The following KDM3A variants were observed in gnomAD, a reference collection of about 807,000 sequenced individuals.
KDM3A encodes lysine-specific demethylase 3A.
In KDM3A, 60 loss-of-function variants were observed where a neutral mutation model predicts 158.0. The observed-to-expected ratio is 0.38, with a 90% CI of 0.31 to 0.47. KDM3A has a LOEUF of 0.47. KDM3A is among the 20% of genes least tolerant of loss of function. KDM3A has a pLI of 0.99. For synonymous variants in KDM3A, 608 were observed against 549.3 expected (o/e 1.11, Z -1.49); for missense variants, 1,319 against 1,574.3 (o/e 0.84, Z 2.74).
At chr2:86,456,604 A>C (rs760146483) in intron 6 of KDM3A, 38 bp downstream of exon 6, 33 of 1,572,162 alleles carry the variant, frequency 2.1e-5, no homozygotes, top group Non-Finnish European at 2.8e-5. Flanking sequence ...ATAACTCGAC[A>C]AAGCATGATA....
rs1674476823 is a variant in KDM3A at position 86,491,946 on chromosome 2, G to A, written c.3886-93G>A. 5.1e-6 allele frequency: 4 copies of A among 787,954 alleles called. No homozygotes were observed. The African/African-American group carries it at 7.0e-5, about 14-fold the overall frequency. The allele number at this position is 787,954 out of a possible 1,614,324, so 48.8% of individuals were successfully genotyped here. ...GAATATTGAATTTTAAATTCTGAGA[G>A]AAGGTAATAAAATTAGTAGGAGGAA... On this transcript the variant is annotated intron_variant, in intron 25 of 25. Coordinates refer to ENST00000312912, the MANE Select transcript of KDM3A (RefSeq NM_018433.6).
chr2:86,451,363 C>T (rs1558606162), intron 4 of KDM3A, 150 bp downstream of exon 4: 2 of 509,866 alleles, frequency 3.9e-6, no homozygotes, highest in African/African-American at 2.0e-5. Flanking sequence ...CTTTGATTCC[C>T]TCCAAACTCT....
chr2:86,440,442 G>C (rs900518757), upstream of KDM3A, among the ~76,000 whole-genome samples: 14 of 151,960 alleles, frequency 9.2e-5, no homozygotes, highest in Middle Eastern at 3.4e-3. Context: ...AATACTTCAG[G>C]TCCAGAGCAC....
intron 6 of KDM3A, 35 bp downstream of exon 6, chr2:86,456,601 GACAAAGCATGATAACTAT>G: frequency 6.4e-7 from 1 of 1,574,584 alleles, no homozygotes; most frequent in Non-Finnish European, 8.7e-7. Context: ...AAGATAACTC[GACAAAGCATGATAACTAT>G]ACAAAGCATT....
intron 21 of KDM3A, chr2:86,489,003 C>G (rs1674323891): frequency 3.8e-6 from 1 of 266,240 alleles, no homozygotes; most frequent in Non-Finnish European, 7.2e-6. Context: ...TTGTCTCTTG[C>G]CCCAGAACTC....
At position 86,483,981 on chromosome 2, in the gene KDM3A, A is replaced by T; in HGVS notation, c.2923-6A>T. On this transcript the variant is annotated splice_polypyrimidine_tract_variant and splice_region_variant and intron_variant, in intron 18 of 25. Transcript: ENST00000312912. The stretch of plus-strand genomic sequence containing the variant: ...TCAGACTAAAGTTTTCCTTCTCTTC[A>T]TTTAGCCAGTGATGGTGTCTGGAGT... The T allele has an allele frequency of 6.2e-7, 1 of 1,606,726 alleles. No homozygotes were observed. The highest frequency in any genetic ancestry group is 8.5e-7 in the Non-Finnish European group (1 of 1,176,860).
At chr2:86,456,416 A>ATTTTTTTT (rs11431031) in intron 5 of KDM3A, 26 bp from the exon 6 acceptor site, 3 of 1,057,864 alleles carry the variant, frequency 2.8e-6, no homozygotes, top group African/African-American at 2.0e-5. Context: ...TTGCTCTAAG[A>ATTTTTTTT]TTTTTTTTTT....
At chr2:86,442,925 G>A (rs1380618720) in intron 2 of KDM3A, among the ~76,000 whole-genome samples, 3 of 152,060 alleles carry the variant, frequency 2.0e-5, no homozygotes, top group Non-Finnish European at 2.9e-5. Context: ...GGAGAGAATT[G>A]GGAACAAGTG....
intron 5 of KDM3A, 110 bp downstream of exon 5, chr2:86,455,297 T>TC: frequency 8.7e-6 from 5 of 571,634 alleles, no homozygotes; most frequent in Admixed American, 3.8e-5. Flanking sequence ...CTTTTTTCTT[T>TC]TTTTTTTTTT....
rs1028045332 is a variant in KDM3A at position 86,471,279 on chromosome 2, GTGTATATA to G, written c.1724+883_1724+890del. Among the ~76,000 whole-genome samples, 71 of 133,696 alleles carry G rather than the reference GTGTATATA, an allele frequency of 5.3e-4. No individual in the cohort carries two copies. In the South Asian group the frequency reaches 0.011, roughly 21 times the overall value. The allele number at this position is 133,696 out of a possible 152,430, so 87.7% of individuals were successfully genotyped here. A position where few individuals can be genotyped will look rare whatever the true frequency, so the allele number is the denominator to read the frequency against. ...TGTGTATATATATGTGTATATATGT[GTGTATATA>G]TGTATATATGTGTGTATGTGTATAT... On this transcript the variant is annotated intron_variant, in intron 11 of 25. Coordinates refer to ENST00000312912, the MANE Select transcript of KDM3A (RefSeq NM_018433.6).
chr2:86,437,103 C>G (rs1682505208), upstream of KDM3A, among the ~76,000 whole-genome samples: 1 of 151,576 alleles, frequency 6.6e-6, no homozygotes, highest in Non-Finnish European at 1.5e-5. Flanking sequence ...AACTTATTTT[C>G]GTGAATGTTG....
intron 14 of KDM3A, 28 bp from the exon 15 acceptor site, chr2:86,478,580 C>G: frequency 6.2e-7 from 1 of 1,611,822 alleles, no homozygotes; most frequent in Non-Finnish European, 8.5e-7. Context: ...TATCCTTGTT[C>G]AGATGTTTGC....
In KDM3A at chr2:86,482,045, C is replaced by G. The variant is rs776418311; in HGVS notation, c.2628C>G (p.Pro876=). The G allele has an allele frequency of 9.3e-6, 15 of 1,614,032 alleles. No individual in the cohort carries two copies. In the Admixed American group the frequency reaches 2.2e-4, roughly 23 times the overall value. ...CGTTTAACAGCACAATTTTGACACC[C>G]GTAAGCAACAACAATTCTGGTTTCC... ...LHTFNSTILT[P]VSNNNSGFLR... Residue 876 remains proline, a synonymous_variant, in exon 17 of 26, where the codon CCC becomes CCG. Coordinates refer to ENST00000312912, the MANE Select transcript of KDM3A (RefSeq NM_018433.6).
At chr2:86,448,620 G>A (rs1683046905) in intron 2 of KDM3A, among the ~76,000 whole-genome samples, 1 of 152,074 alleles carries the variant, frequency 6.6e-6, no homozygotes, top group African/African-American at 2.4e-5. Flanking sequence ...GTTTGTTTGA[G>A]GAAAGGATAT....
At chr2:86,476,404 T>TCTC (rs35120741) in intron 12 of KDM3A, among the ~76,000 whole-genome samples, 122,457 of 151,874 alleles carry the variant, frequency 0.81, 50,007 homozygotes, top group East Asian at 0.95. Context: ...ATTAAGAAAC[T>TCTC]CTCCTTGAAG....
At chr2:86,452,405 A>C (rs1672507494) in intron 4 of KDM3A, among the ~76,000 whole-genome samples, 1 of 152,122 alleles carries the variant, frequency 6.6e-6, no homozygotes, top group Admixed American at 6.6e-5. Flanking sequence ...AAACAAGATT[A>C]TGTGTCAATT....
chr2:86,454,126 C>T (rs1672588670), intron 4 of KDM3A, among the ~76,000 whole-genome samples: 2 of 152,182 alleles, frequency 1.3e-5, no homozygotes, highest in Non-Finnish European at 2.9e-5. Flanking sequence ...TGTTTGTCCC[C>T]CCACCTCCCT....
intron 18 of KDM3A, chr2:86,483,098 T>A: frequency 5.2e-6 from 1 of 192,580 alleles, no homozygotes; most frequent in Admixed American, 5.6e-5. Flanking sequence ...AAGGCAGTTC[T>A]AGGTGGGCTA....
In KDM3A at chr2:86,478,221, A is replaced by G; in HGVS notation, c.2144A>G (p.His715Arg). Residue 715 changes from histidine to arginine, a missense_variant, in exon 14 of 26, where the codon CAT (histidine) becomes CGT (arginine). This residue lies in a region of KDM3A where 368 missense variants were observed against 415.8 expected (regional missense o/e 0.89). Coordinates refer to ENST00000312912, the MANE Select transcript of KDM3A (RefSeq NM_018433.6). ...CTAAAATGTGTGAAGAGTCAGATAC[A>G]TGAACCAGAGAACTTAATGCCCACA... ...SWLKCVKSQIHEPENLMPTQI... is the reference protein window; with the variant it reads ...SWLKCVKSQIREPENLMPTQI... The G allele has an allele frequency of 6.2e-7, 1 of 1,614,080 alleles. No homozygotes were observed. The highest frequency in any genetic ancestry group is 8.5e-7 in the Non-Finnish European group (1 of 1,179,874).
Sources: allele counts gnomAD v4.1 joint callset (sites outside exome capture counted in the v4.1 genomes callset), GRCh38; gene constraint gnomAD v4.1.1; regional missense constraint gnomAD v4.1.1; transcripts MANE v1.5; gene names NCBI Gene and HGNC (gene_info 2026-07-23, HGNC 2026-07-21).